The following JAK1 variants were observed in gnomAD, a reference collection of about 807,000 sequenced individuals.
JAK1 encodes the protein Janus kinase 1, also known as tyrosine-protein kinase JAK1.
A neutral mutation model predicts 136.6 loss-of-function variants in JAK1; 16 were observed. The ratio of observed to expected loss-of-function variants is 0.12; its 90% CI spans 0.08 to 0.18. The LOEUF is 0.18. Among genes scored for constraint, JAK1 ranks in the 10% least tolerant of loss-of-function variants. The pLI is 1.00. For synonymous variants in JAK1, 492 were observed against 519.5 expected, an observed-to-expected ratio of 0.95 and a Z score of 0.72; for missense variants, 859 against 1,450.1, an observed-to-expected ratio of 0.59 and a Z score of 6.62.
At chr1:65,017,136 A>C (rs1279733956) in intron 2 of JAK1, among the ~76,000 whole-genome samples, 1 of 152,196 alleles carries the variant, frequency 6.6e-6, no homozygotes, top group African/African-American at 2.4e-5. Context: ...TGGGAAATTA[A>C]AAAATACATC....
intron 8 of JAK1, among the ~76,000 whole-genome samples, chr1:64,860,997 G>A (rs942327574): frequency 6.7e-6 from 1 of 149,336 alleles, no homozygotes; most frequent in African/African-American, 2.5e-5. Context: ...GTGACGCGGT[G>A]GGGGAGGCTG....
intron 1 of JAK1, among the ~76,000 whole-genome samples, chr1:65,059,230 G>A (rs893088891): frequency 6.6e-6 from 1 of 151,428 alleles, no homozygotes; most frequent in African/African-American, 2.4e-5. Flanking sequence ...CATGTCAAAT[G>A]AGTGAACACA....
intron 2 of JAK1, among the ~76,000 whole-genome samples, chr1:64,993,740 G>A (rs915848587): frequency 2.0e-5 from 3 of 152,080 alleles, no homozygotes; most frequent in Non-Finnish European, 4.4e-5. Context: ...CTGCCTCCCA[G>A]GTTCAAGCGA....
intron 1 of JAK1, among the ~76,000 whole-genome samples, chr1:64,887,453 A>G (rs1347356916): frequency 1.3e-5 from 2 of 152,230 alleles, no homozygotes; most frequent in African/African-American, 4.8e-5. Context: ...GCTTCTGCTC[A>G]TAAGCAGGAC....
In JAK1 at chr1:64,841,269, T is replaced by C. The variant is rs775970817; in HGVS notation, c.2625A>G (p.Leu875=). ...CCTCTCCCAAGTCACGGATCCTCTTTAGGAAGCGCTTTTCAAAATGTGTGG... is the reference window on the plus strand; with the variant it reads ...CCTCTCCCAAGTCACGGATCCTCTTCAGGAAGCGCTTTTCAAAATGTGTGG... ...VDPTHFEKRF[L]KRIRDLGEGH... is the part of the protein sequence containing the mutation. The change falls in exon 19 of 25, where the codon CTA becomes CTG. Residue 875 remains leucine (L), a synonymous_variant. Coordinates refer to ENST00000342505, the MANE Select transcript of JAK1 (RefSeq NM_002227.4). 13 of 1,613,886 alleles carry C rather than the reference T, an allele frequency of 8.1e-6. No individual in the cohort carries two copies. The highest frequency in any genetic ancestry group is 1.3e-5 in the African/African-American group (1 of 74,916).
upstream of JAK1, among the ~76,000 whole-genome samples, chr1:64,970,011 C>T (rs181792527): frequency 1.6e-3 from 248 of 151,698 alleles, 2 homozygotes; most frequent in African/African-American, 5.8e-3. Context: ...TGGCACATGC[C>T]TGTGGTCCCA....
chr1:65,038,274 C>A (rs1053004766), intron 2 of JAK1, among the ~76,000 whole-genome samples: 2 of 150,538 alleles, frequency 1.3e-5, no homozygotes, highest in Non-Finnish European at 2.9e-5. Flanking sequence ...TCTCAGCTCA[C>A]TGCAACCTCT....
intron 1 of JAK1, among the ~76,000 whole-genome samples, chr1:64,908,694 G>GC (rs1645230741): frequency 6.6e-6 from 1 of 151,566 alleles, no homozygotes; most frequent in South Asian, 2.1e-4. Flanking sequence ...GGAAGCATAT[G>GC]CCCACAATTT....
intron 11 of JAK1, among the ~76,000 whole-genome samples, chr1:64,854,239 C>A (rs1345298705): frequency 6.6e-6 from 1 of 152,186 alleles, no homozygotes; most frequent in Admixed American, 6.5e-5. Context: ...CTGCCCACTC[C>A]TGGTGGTGTG....
intron 3 of JAK1, among the ~76,000 whole-genome samples, chr1:64,881,645 C>T (rs1203154592): frequency 6.6e-6 from 1 of 152,044 alleles, no homozygotes; most frequent in Non-Finnish European, 1.5e-5. Context: ...GAAGAGACAC[C>T]ACTCATTTTC....
intron 1 of JAK1, among the ~76,000 whole-genome samples, chr1:64,912,021 T>C (rs1318126210): frequency 2.0e-5 from 3 of 152,214 alleles, no homozygotes; most frequent in Non-Finnish European, 2.9e-5. Flanking sequence ...TTACATTAAA[T>C]AGCAAATGAT....
At chr1:65,062,829 C>A (rs561607487) in intron 1 of JAK1, among the ~76,000 whole-genome samples, 89 of 152,296 alleles carry the variant, frequency 5.8e-4, no homozygotes, top group African/African-American at 2.1e-3. Context: ...TCAACAGATA[C>A]TTGATTGATT....
At chr1:64,981,110 G>A (rs1352954135) in intron 2 of JAK1, among the ~76,000 whole-genome samples, 2 of 152,066 alleles carry the variant, frequency 1.3e-5, no homozygotes, top group Non-Finnish European at 2.9e-5. Flanking sequence ...TAAAACAATG[G>A]CGATATTGTC....
At chr1:64,874,085 T>C (rs1657241830) in intron 4 of JAK1, among the ~76,000 whole-genome samples, 1 of 152,208 alleles carries the variant, frequency 6.6e-6, no homozygotes, top group Non-Finnish European at 1.5e-5. Context: ...TGAAACGAGT[T>C]AACAAGCACT....
chr1:64,837,212 A>AT (rs1557617395), intron 22 of JAK1, among the ~76,000 whole-genome samples: 1 of 152,172 alleles, frequency 6.6e-6, no homozygotes, highest in African/African-American at 2.4e-5. Context: ...CTTGTTCACC[A>AT]TATCTCCAGT....
At chr1:65,039,242 G>C (rs927497227) in intron 2 of JAK1, among the ~76,000 whole-genome samples, 34 of 152,206 alleles carry the variant, frequency 2.2e-4, no homozygotes, top group African/African-American at 7.7e-4. Flanking sequence ...GACCATGCCA[G>C]TTGCTCTCTT....
At chr1:64,966,888 C>T (rs1034488917), upstream of JAK1, among the ~76,000 whole-genome samples, 9 of 152,148 alleles carry the variant, frequency 5.9e-5, no homozygotes, top group South Asian at 4.1e-4. Context: ...CACCTTTGTG[C>T]GCTCGATGCA....
At chr1:65,006,786 A>C (rs1359913232) in intron 2 of JAK1, among the ~76,000 whole-genome samples, 1 of 152,194 alleles carries the variant, frequency 6.6e-6, no homozygotes, top group Non-Finnish European at 1.5e-5. Flanking sequence ...CTTGTATATA[A>C]AATATTTTAT....
chr1:65,062,042 A>AT (rs1647814856), intron 1 of JAK1, among the ~76,000 whole-genome samples: 1 of 152,116 alleles, frequency 6.6e-6, no homozygotes, highest in East Asian at 1.9e-4. Flanking sequence ...GTCCATGTGG[A>AT]CGAAAAAAAA....
Sources: allele counts gnomAD v4.1 joint callset (sites outside exome capture counted in the v4.1 genomes callset), GRCh38; gene constraint gnomAD v4.1.1; transcripts MANE v1.5; gene names NCBI Gene and HGNC (gene_info 2026-07-23, HGNC 2026-07-21).